Variants in IQCM observed in about 807,000 individuals in gnomAD.
IQCM encodes IQ motif containing M, also known as IQ domain-containing protein M.
IQCM carries 45 observed loss-of-function variants against 57.6 expected under a neutral mutation model. That is an observed-to-expected ratio of 0.78 (90% confidence interval 0.62 to 1.00). IQCM has a LOEUF of 1.00. Ranked by LOEUF, IQCM falls within the 50% of genes least tolerant of loss-of-function variation. The pLI, the probability that IQCM is intolerant of heterozygous loss-of-function variation, is 0.00. For synonymous variants in IQCM, 148 were observed against 158.9 expected (o/e 0.93, Z 0.51); for missense variants, 468 against 511.6 (o/e 0.91, Z 0.82).
chr4:149,606,892 A>G (rs1754832339), intron 8 of IQCM, among the ~76,000 whole-genome samples: 1 of 152,140 alleles, frequency 6.6e-6, no homozygotes, highest in Non-Finnish European at 1.5e-5. Context: ...AATACAATGA[A>G]GCACACATAC....
At chr4:149,381,447 A>G (rs1373721414) in intron 13 of IQCM, among the ~76,000 whole-genome samples, 4 of 152,000 alleles carry the variant, frequency 2.6e-5, no homozygotes, top group Non-Finnish European at 4.4e-5. Context: ...CCTCACCTCC[A>G]ACTATTCACC....
At chr4:149,442,763 T>C (rs2111341909) in intron 12 of IQCM, among the ~76,000 whole-genome samples, 1 of 152,118 alleles carries the variant, frequency 6.6e-6, no homozygotes. Context: ...ATCTTTGACA[T>C]CCATAATTCT....
chr4:149,631,517 A>G (rs973579507), intron 7 of IQCM, among the ~76,000 whole-genome samples: 4 of 152,180 alleles, frequency 2.6e-5, no homozygotes, highest in African/African-American at 9.7e-5. Context: ...CTCAACAACA[A>G]AAGTTATGCT....
chr4:149,585,427 G>A (rs1443129153), intron 9 of IQCM, among the ~76,000 whole-genome samples: 1 of 151,600 alleles, frequency 6.6e-6, no homozygotes, highest in African/African-American at 2.4e-5. Flanking sequence ...AAATAAAGAA[G>A]AGAATCTTAA....
At chr4:149,659,397 C>A (rs1180396056) in intron 7 of IQCM, among the ~76,000 whole-genome samples, 1 of 152,060 alleles carries the variant, frequency 6.6e-6, no homozygotes, top group East Asian at 1.9e-4. Flanking sequence ...TGAAAATGGC[C>A]ATACTGCCCA....
At chr4:149,447,446 T>G (rs537959972) in intron 12 of IQCM, among the ~76,000 whole-genome samples, 1 of 151,658 alleles carries the variant, frequency 6.6e-6, no homozygotes, top group East Asian at 1.9e-4. Context: ...TTAAAGGAAG[T>G]AGAAACATGA....
chr4:149,743,162 T>C (rs754881731), intron 2 of IQCM, among the ~76,000 whole-genome samples: 2 of 152,158 alleles, frequency 1.3e-5, no homozygotes, highest in Non-Finnish European at 2.9e-5. Flanking sequence ...TCTTACTACT[T>C]TCAACTAATA....
At chr4:149,412,721 T>C (rs1176247636) in intron 13 of IQCM, among the ~76,000 whole-genome samples, 2 of 152,202 alleles carry the variant, frequency 1.3e-5, no homozygotes, top group Admixed American at 6.5e-5. Context: ...GTCTGAATAA[T>C]GGAGTATGCA....
chr4:149,579,886 T>G (rs1752016204), intron 9 of IQCM, among the ~76,000 whole-genome samples: 1 of 151,794 alleles, frequency 6.6e-6, no homozygotes, highest in South Asian at 2.1e-4. Flanking sequence ...GAATTAACTA[T>G]AGCTCTATTA....
intron 12 of IQCM, among the ~76,000 whole-genome samples, chr4:149,527,949 C>T (rs1420109268): frequency 6.6e-6 from 1 of 151,358 alleles, no homozygotes; most frequent in Non-Finnish European, 1.5e-5. Flanking sequence ...CTTAATGATG[C>T]TGCTTGGATA....
intron 13 of IQCM, among the ~76,000 whole-genome samples, chr4:149,424,034 T>C (rs953812138): frequency 2.6e-5 from 4 of 151,944 alleles, no homozygotes; most frequent in Non-Finnish European, 5.9e-5. Context: ...TTAGCTGCTA[T>C]AGTAATCCTT....
At chr4:149,450,987 T>C (rs1447681553) in intron 12 of IQCM, among the ~76,000 whole-genome samples, 2 of 151,420 alleles carry the variant, frequency 1.3e-5, no homozygotes, top group Admixed American at 6.6e-5. Flanking sequence ...ATAAGCCGAA[T>C]GTGTTTAGTA....
At chr4:149,774,770 CAAAA>C (rs566184766) in intron 2 of IQCM, among the ~76,000 whole-genome samples, 2 of 110,974 alleles carry the variant, frequency 1.8e-5, no homozygotes, top group Non-Finnish European at 2.0e-5. Context: ...TTCTTAAAAC[CAAAA>C]AAAAAAAAAA....
rs552443033 is a variant in IQCM, at chr4:149,723,280, C to T, written c.385+9964G>A. ...TTTCTAATTTGGATGCGTCTTATTTCTTTCTCTTGCCTGATTGCTCTGCCC... is the reference window on the plus strand; with the variant it reads ...TTTCTAATTTGGATGCGTCTTATTTTTTTCTCTTGCCTGATTGCTCTGCCC... On this transcript the variant is annotated intron_variant, in intron 5 of 13. Transcript: ENST00000636793. 2.6e-5 allele frequency among the ~76,000 whole-genome samples: 4 copies of T among 152,044 alleles called. No individual in the cohort carries two copies. The East Asian group carries it at 7.7e-4, about 29-fold the overall frequency.
chr4:149,441,761 A>G (rs776421632), intron 12 of IQCM, among the ~76,000 whole-genome samples: 2 of 152,148 alleles, frequency 1.3e-5, no homozygotes, highest in Non-Finnish European at 2.9e-5. Context: ...TCTTTCCTGT[A>G]TAATCCCATT....
intron 12 of IQCM, among the ~76,000 whole-genome samples, chr4:149,437,399 CATTTATA>C (rs1352577557): frequency 6.6e-6 from 1 of 152,066 alleles, no homozygotes; most frequent in Admixed American, 6.6e-5. Flanking sequence ...TCAAAACCAC[CATTTATA>C]AACTGATGAT....
At chr4:149,431,443 T>C (rs1044989897) in intron 13 of IQCM, among the ~76,000 whole-genome samples, 1 of 151,940 alleles carries the variant, frequency 6.6e-6, no homozygotes, top group African/African-American at 2.4e-5. Context: ...CTTATGGACT[T>C]TTTGGCCATT....
At chr4:149,455,450 A>G (rs553266326) in intron 12 of IQCM, among the ~76,000 whole-genome samples, 47 of 152,192 alleles carry the variant, frequency 3.1e-4, no homozygotes, top group African/African-American at 1.1e-3. Context: ...CTGTTCATGT[A>G]TTTACGACCA....
intron 5 of IQCM, among the ~76,000 whole-genome samples, chr4:149,694,435 T>C (rs182855148): frequency 2.2e-4 from 34 of 152,006 alleles, no homozygotes; most frequent in Non-Finnish European, 4.1e-4. Context: ...TTTCTTTCCA[T>C]TACTTTCTCG....
Sources: allele counts gnomAD v4.1 joint callset (sites outside exome capture counted in the v4.1 genomes callset), GRCh38; gene constraint gnomAD v4.1.1; transcripts MANE v1.5; gene names NCBI Gene and HGNC (gene_info 2026-07-23, HGNC 2026-07-21).